Variants in CNBD1 observed in about 807,000 individuals in gnomAD.
CNBD1 encodes the protein cyclic nucleotide-binding domain-containing protein 1.
A neutral mutation model predicts 54.4 loss-of-function variants in CNBD1; 71 were observed. The observed-to-expected ratio is 1.30, with a 90% CI of 1.08 to 1.59. The LOEUF (loss-of-function observed/expected upper bound fraction) is 1.59, where lower values mean the gene tolerates loss of function less well. Among genes scored for constraint, CNBD1 ranks in the 40% most tolerant of loss-of-function variants. The pLI is 0.00. For missense variants in CNBD1, 659 were observed against 518.0 expected (o/e 1.27, Z -2.64); for synonymous variants, 182 against 170.7 (o/e 1.07, Z -0.51).
chr8:87,244,626 T>G (rs1807766623), intron 6 of CNBD1, among the ~76,000 whole-genome samples: 1 of 152,156 alleles, frequency 6.6e-6, no homozygotes, highest in Non-Finnish European at 1.5e-5. Context: ...CACTTACTCA[T>G]AGACATTTAA....
At chr8:86,973,451 T>C (rs188587527) in intron 4 of CNBD1, among the ~76,000 whole-genome samples, 1 of 152,204 alleles carries the variant, frequency 6.6e-6, no homozygotes, top group Non-Finnish European at 1.5e-5. Flanking sequence ...GGATGTGGCC[T>C]TGTCTTTTCA....
intron 10 of CNBD1, among the ~76,000 whole-genome samples, chr8:87,382,072 A>G (rs1488749264): frequency 6.6e-6 from 1 of 151,990 alleles, no homozygotes; most frequent in African/African-American, 2.4e-5. Context: ...GAGCCAGTCT[A>G]TATTAAAAAA....
chr8:86,870,029 T>C (rs944584781), intron 1 of CNBD1, among the ~76,000 whole-genome samples: 1 of 151,894 alleles, frequency 6.6e-6, no homozygotes, highest in East Asian at 1.9e-4. Context: ...ACTGGTTGAC[T>C]TGAAAAAAAA....
chr8:87,156,826 A>C (rs1812753194), intron 4 of CNBD1, among the ~76,000 whole-genome samples: 1 of 152,152 alleles, frequency 6.6e-6, no homozygotes, highest in African/African-American at 2.4e-5. Context: ...TATTCGTCAG[A>C]AACTCAGTTC....
chr8:87,315,255 G>C (rs540355606), intron 8 of CNBD1, among the ~76,000 whole-genome samples: 3 of 152,058 alleles, frequency 2.0e-5, no homozygotes, highest in African/African-American at 7.2e-5. Flanking sequence ...GGATCACAAA[G>C]CTCTATACAA....
At chr8:86,927,604 C>T (rs958729880) in intron 3 of CNBD1, among the ~76,000 whole-genome samples, 1 of 152,062 alleles carries the variant, frequency 6.6e-6, no homozygotes, top group African/African-American at 2.4e-5. Context: ...AAAGTTAAGA[C>T]AGTAAACATG....
At chr8:87,346,324 G>A (rs1810176028) in intron 8 of CNBD1, among the ~76,000 whole-genome samples, 1 of 152,058 alleles carries the variant, frequency 6.6e-6, no homozygotes, top group African/African-American at 2.4e-5. Flanking sequence ...TCACAGGTGT[G>A]AGCCACCGTG....
chr8:87,005,625 A>T (rs1305752164), intron 4 of CNBD1, among the ~76,000 whole-genome samples: 1 of 151,976 alleles, frequency 6.6e-6, no homozygotes, highest in Non-Finnish European at 1.5e-5. Flanking sequence ...TAGGATTATC[A>T]TGTGAAAAAT....
At chr8:87,262,866 A>G (rs1808171251) in intron 6 of CNBD1, among the ~76,000 whole-genome samples, 1 of 152,154 alleles carries the variant, frequency 6.6e-6, no homozygotes, top group Admixed American at 6.6e-5. Flanking sequence ...CTATGTGTTC[A>G]TTTGGCAATT....
downstream of CNBD1, among the ~76,000 whole-genome samples, chr8:87,385,581 C>A (rs2130963728): frequency 6.6e-6 from 1 of 152,192 alleles, no homozygotes; most frequent in Non-Finnish European, 1.5e-5. Context: ...GGGGCGCCCA[C>A]CGTTGCCGAG....
intron 2 of CNBD1, 37 bp downstream of exon 2, chr8:86,887,648 A>G: frequency 7.2e-7 from 1 of 1,390,236 alleles, no homozygotes; most frequent in Non-Finnish European, 1.0e-6. Flanking sequence ...TGTCATTCAA[A>G]TGAATATGAG....
At chr8:87,097,847 T>G (rs1245476349) in intron 4 of CNBD1, among the ~76,000 whole-genome samples, 3 of 152,330 alleles carry the variant, frequency 2.0e-5, no homozygotes, top group Non-Finnish European at 4.4e-5. Context: ...GTAAATTAAC[T>G]TCGTGATCTG....
At chr8:87,233,000 A>T (rs1299608458) in intron 5 of CNBD1, among the ~76,000 whole-genome samples, 2 of 152,194 alleles carry the variant, frequency 1.3e-5, no homozygotes, top group Non-Finnish European at 2.9e-5. Flanking sequence ...TCACTAATTT[A>T]AATTGGCCAA....
At chr8:86,965,857 C>T (rs898631511) in intron 4 of CNBD1, among the ~76,000 whole-genome samples, 1 of 152,120 alleles carries the variant, frequency 6.6e-6, no homozygotes, top group Non-Finnish European at 1.5e-5. Flanking sequence ...ATCCGTGGAG[C>T]CTTCAGTTCT....
chr8:87,414,480 A>G (rs1332458618), intron 2 of CNBD1, among the ~76,000 whole-genome samples: 2 of 152,232 alleles, frequency 1.3e-5, no homozygotes, highest in East Asian at 3.9e-4. Flanking sequence ...TATGTAACAA[A>G]CCTGCACATT....
rs553893949 is a variant in CNBD1, at chr8:86,937,456, C to T, written c.273-2140C>T. 2.6e-5 allele frequency among the ~76,000 whole-genome samples: 4 copies of T among 152,308 alleles called. No homozygotes were observed. In the East Asian group the frequency reaches 5.8e-4, roughly 22 times the overall value. On this transcript the variant is annotated intron_variant, in intron 3 of 10. Coordinates refer to ENST00000518476, the MANE Select transcript of CNBD1 (RefSeq NM_173538.3). Reference sequence around the variant, plus strand: ...TCCCAACAGTCCCCCAAAGTCTTAACTCATTTCAGCATTAACTCAGAAGTC... The same window carrying T: ...TCCCAACAGTCCCCCAAAGTCTTAATTCATTTCAGCATTAACTCAGAAGTC...
At chr8:87,164,785 T>C (rs1812927765) in intron 4 of CNBD1, among the ~76,000 whole-genome samples, 1 of 151,752 alleles carries the variant, frequency 6.6e-6, no homozygotes, top group Non-Finnish European at 1.5e-5. Context: ...CATTTACATA[T>C]GCTCTAATAT....
chr8:86,919,702 T>C (rs528975514), intron 3 of CNBD1, among the ~76,000 whole-genome samples: 50 of 152,332 alleles, frequency 3.3e-4, no homozygotes, highest in African/African-American at 1.1e-3. Context: ...ACAATGGGAA[T>C]TTATTATTAA....
At chr8:86,926,304 T>G (rs1185645613) in intron 3 of CNBD1, among the ~76,000 whole-genome samples, 1 of 152,140 alleles carries the variant, frequency 6.6e-6, no homozygotes, top group Non-Finnish European at 1.5e-5. Flanking sequence ...GCAGTTGTAG[T>G]GTCCTCCAGA....
Sources: gnomAD v4.1 joint callset for allele counts (sites outside exome capture counted in the v4.1 genomes callset) on GRCh38, gnomAD v4.1.1 for gene constraint, MANE v1.5 for transcripts, NCBI Gene and HGNC (gene_info 2026-07-23, HGNC 2026-07-21) for gene names.